Variants in PPFIA3 observed in about 807,000 individuals in gnomAD.
PPFIA3 encodes the protein liprin-alpha-3.
In PPFIA3, 26 loss-of-function variants were observed where a neutral mutation model predicts 145.8. The ratio of observed to expected loss-of-function variants is 0.18; its 90% CI spans 0.13 to 0.25. PPFIA3 has a LOEUF of 0.25. Ranked by LOEUF, PPFIA3 falls within the 10% of genes least tolerant of loss-of-function variation. The pLI, the probability that PPFIA3 is intolerant of heterozygous loss-of-function variation, is 1.00. For synonymous variants in PPFIA3, 645 were observed against 661.4 expected (o/e 0.98, Z 0.38); for missense variants, 1,008 against 1,587.8 (o/e 0.63, Z 6.21).
At position 49,150,140 on chromosome 19, in the gene PPFIA3, G is replaced by A; in HGVS notation, c.*2G>A. On this transcript the variant is annotated 3_prime_UTR_variant, in exon 29 of 30. Coordinates refer to ENST00000334186, the MANE Select transcript of PPFIA3 (RefSeq NM_003660.4). The stretch of plus-strand genomic sequence containing the variant: ...TCGGTCCGGACCTATTCCTGCTAGT[G>A]CAGGCCTCCAGGTGAGGACCGTGCT... 1 of 1,609,066 alleles carries A rather than the reference G, an allele frequency of 6.2e-7. No individual in the cohort carries two copies.
intron 21 of PPFIA3, among the ~76,000 whole-genome samples, chr19:49,144,288 C>T (rs1389946905): frequency 1.3e-5 from 2 of 152,162 alleles, no homozygotes; most frequent in Non-Finnish European, 2.9e-5. Flanking sequence ...GGATTACAGG[C>T]GTGAGCCACC....
chr19:49,129,418 A>G lies in PPFIA3; in HGVS notation c.546A>G (p.Ala182=). 2 of 1,552,436 alleles carry G rather than the reference A, an allele frequency of 1.3e-6. No homozygotes were observed. Among genetic ancestry groups the G allele is most frequent in the Admixed American group, 2.0e-5 (1 of 51,072 alleles). The change falls in exon 5 of 30, where the codon GCA becomes GCG. Residue 182 remains alanine, a synonymous_variant. Coordinates refer to ENST00000334186, the MANE Select transcript of PPFIA3 (RefSeq NM_003660.4). ...ERLRMALERV[A]VLEEELELSN... is the part of the protein sequence containing the mutation. The stretch of plus-strand genomic sequence containing the variant: ...TGCGGATGGCGCTGGAGCGCGTGGC[A>G]GTGCTCGAGGAGGAGCTGGAACTGA...
chr19:49,143,723 T>C (rs1230154775), intron 21 of PPFIA3, among the ~76,000 whole-genome samples: 1 of 152,134 alleles, frequency 6.6e-6, no homozygotes, highest in African/African-American at 2.4e-5. Flanking sequence ...GAAAATCATG[T>C]GTACCCAGTT....
Position 49,147,721 on chromosome 19 carries a change from A to G in PPFIA3, c.2836-362A>G, listed in dbSNP as rs563818214. ...GAGAGAGAGAGAGAGAAAGAGAGAAAGAAAGAAATTTAAAAATAAATATAA... is the reference window on the plus strand; with the variant it reads ...GAGAGAGAGAGAGAGAAAGAGAGAAGGAAAGAAATTTAAAAATAAATATAA... On this transcript the variant is annotated intron_variant, in intron 23 of 29. Transcript: ENST00000334186. Among the ~76,000 whole-genome samples the G allele has an allele frequency of 8.4e-5, 11 of 130,490 alleles. No homozygotes were observed. In the South Asian group the frequency reaches 2.7e-3, roughly 32 times the overall value. 85.6% of individuals were successfully genotyped at this position (130,490 alleles called of 152,430 possible).
rs75346801 is a variant in PPFIA3 at position 49,134,671 on chromosome 19, G to A, written c.1410G>A (p.Lys470=). 2.8e-4 allele frequency: 445 copies of A among 1,614,046 alleles called. 3 individuals carry two copies. In the African/African-American group the frequency reaches 5.4e-3, roughly 20 times the overall value. The change falls in exon 12 of 30, where the codon AAG becomes AAA. Residue 470 remains lysine (K), a synonymous_variant. Transcript: ENST00000334186. ...TGAGCGAGGAGATAGCCAACATGAA[G>A]AAGCTTCAGGATGAGTTGCTGCTAA... ...NSLSEEIANM[K]KLQDELLLNK...
chr19:49,128,910 G>C lies in PPFIA3; in HGVS notation c.405G>C (p.Val135=). ...ACGAGAGGTCACTGCGCATGACCGT[G>C]GTGAAGCGCCAGGCCCAGTCCCCGG... ...SRHERSLRMT[V]VKRQAQSPGG... Residue 135 remains valine, a synonymous_variant, in exon 4 of 30, where the codon GTG becomes GTC. Transcript: ENST00000334186. The surrounding 1 kb of genome is among the most constrained non-coding windows in gnomAD (Gnocchi z 4.1). 6.2e-7 allele frequency: 1 copy of C among 1,613,966 alleles called. No homozygotes were observed. The highest frequency in any genetic ancestry group is 8.5e-7 in the Non-Finnish European group (1 of 1,179,944).
At chr19:49,123,074 G>T (rs1274529999) in intron 1 of PPFIA3, among the ~76,000 whole-genome samples, 1 of 149,336 alleles carries the variant, frequency 6.7e-6, no homozygotes, top group Non-Finnish European at 1.5e-5. Flanking sequence ...TGTCACCCAG[G>T]CTGGAGTGCA....
chr19:49,147,311 G>T (rs1429074750), intron 23 of PPFIA3, among the ~76,000 whole-genome samples: 1 of 152,136 alleles, frequency 6.6e-6, no homozygotes, highest in African/African-American at 2.4e-5. Flanking sequence ...CAGCTACTTG[G>T]AAGACTGAGG....
chr19:49,137,545 G>T (rs2041153014), intron 15 of PPFIA3, among the ~76,000 whole-genome samples: 1 of 145,812 alleles, frequency 6.9e-6, no homozygotes, highest in East Asian at 2.0e-4. Flanking sequence ...CAGGAGAATG[G>T]CATGAACCCG....
At chr19:49,139,594 G>C in intron 16 of PPFIA3, 74 bp from the exon 17 acceptor site, 1 of 1,461,356 alleles carries the variant, frequency 6.8e-7, no homozygotes, top group Non-Finnish European at 9.2e-7. Context: ...CACCTTAGTA[G>C]ACATCTCAGT....
chr19:49,135,164 C>G (rs2041123706), intron 13 of PPFIA3, among the ~76,000 whole-genome samples: 1 of 152,102 alleles, frequency 6.6e-6, no homozygotes, highest in Non-Finnish European at 1.5e-5. Context: ...GCCTCAGCCT[C>G]CCAAGTAGCT....
intron 23 of PPFIA3, chr19:49,146,556 A>AG: frequency 3.1e-6 from 1 of 319,934 alleles, no homozygotes; most frequent in Non-Finnish European, 5.8e-6. Flanking sequence ...AGGGCCAAGG[A>AG]GGACACACTG....
rs113078769 is a variant in PPFIA3 at position 49,145,565 on chromosome 19, A to C, written c.2746-378A>C. 441 of 273,304 alleles carry C rather than the reference A, an allele frequency of 1.6e-3. 1 individual carries two copies. The highest frequency in any genetic ancestry group is 9.0e-3 in the African/African-American group (408 of 45,432). 16.9% of individuals were successfully genotyped at this position (273,304 alleles called of 1,614,324 possible). ...CCTAACTCGTGAGGTTGTTGGGAGC[A>C]GAAGCTCAATAAATGTGAACCCCCC... is the stretch of plus-strand genomic sequence containing the variant. On this transcript the variant is annotated intron_variant, in intron 21 of 29. Coordinates refer to ENST00000334186, the MANE Select transcript of PPFIA3 (RefSeq NM_003660.4).
chr19:49,146,133 C>G, intron 22 of PPFIA3, 33 bp from the exon 23 acceptor site: 1 of 1,614,036 alleles, frequency 6.2e-7, no homozygotes, highest in South Asian at 1.1e-5. Context: ...CTTAACTCAC[C>G]CCTTCTCTCC....
chr19:49,145,729 A>T (rs1047608612), intron 21 of PPFIA3: 4 of 588,626 alleles, frequency 6.8e-6, no homozygotes, highest in Non-Finnish European at 9.2e-6. Flanking sequence ...GCAGGGTCCC[A>T]ATTCCAACCT....
In PPFIA3 at chr19:49,133,747, T is replaced by C. The variant is rs1260268971; in HGVS notation, c.1162-49T>C. The C allele has an allele frequency of 3.2e-6, 5 of 1,583,608 alleles. No individual in the cohort carries two copies. The highest frequency in any genetic ancestry group is 4.3e-6 in the Non-Finnish European group (5 of 1,156,994). ...CTTGGAGGAGGTGGGGCTGGGAGCCTGACTGATCCTGGAAGGGTAAGTCAC... is the reference window on the plus strand; with the variant it reads ...CTTGGAGGAGGTGGGGCTGGGAGCCCGACTGATCCTGGAAGGGTAAGTCAC... On this transcript the variant is annotated intron_variant, in intron 9 of 29. Coordinates refer to ENST00000334186, the MANE Select transcript of PPFIA3 (RefSeq NM_003660.4). The surrounding 1 kb of genome is among the most constrained non-coding windows in gnomAD (Gnocchi z 7.2).
rs140179139 is a variant in PPFIA3, at chr19:49,128,934, G to C, written c.429G>C (p.Pro143=). 348 of 1,614,030 alleles carry C rather than the reference G, an allele frequency of 2.2e-4. 1 individual carries two copies. The African/African-American group carries it at 3.9e-3, about 18-fold the overall frequency. The change falls in exon 4 of 30, where the codon CCG becomes CCC. Residue 143 remains proline (P), a synonymous_variant. Transcript: ENST00000334186. This position sits in a 1 kb window ranked among gnomAD's most constrained non-coding sequence, Gnocchi z 4.1. ...TGGTGAAGCGCCAGGCCCAGTCCCC[G>C]GGTGGGGTCTCCTCGGAGGTAGAAG... ...MTVVKRQAQS[P]GGVSSEVEVL... is the part of the protein sequence containing the mutation.
At chr19:49,138,143 A>C in intron 15 of PPFIA3, 62 bp from the exon 16 acceptor site, 1 of 1,475,132 alleles carries the variant, frequency 6.8e-7, no homozygotes, top group South Asian at 1.4e-5. Context: ...TTGTGCTCCC[A>C]GATTCCCTCT....
At position 49,134,180 on chromosome 19, in the gene PPFIA3, C is replaced by G. The variant is rs764999244; in HGVS notation, c.1377+15C>G. ...TGGAGGAGAAGGTGCGCCCCCCATA[C>G]AGGACTGCGGGACGCGGAATTCCGG... On this transcript the variant is annotated intron_variant, in intron 11 of 29. Transcript: ENST00000334186. 179 of 1,595,296 alleles carry G rather than the reference C, an allele frequency of 1.1e-4. No homozygotes were observed. The highest frequency in any genetic ancestry group is 1.3e-4 in the Non-Finnish European group (156 of 1,171,974).
Sources: gnomAD v4.1 joint callset for allele counts (sites outside exome capture counted in the v4.1 genomes callset) on GRCh38, gnomAD v4.1.1 for gene constraint, Gnocchi (gnomAD v3.1) non-coding constraint, MANE v1.5 for transcripts, NCBI Gene and HGNC (gene_info 2026-07-23, HGNC 2026-07-21) for gene names.